PTCHD4: variants seen among roughly 807,000 people sequenced by gnomAD.
PTCHD4 encodes the protein patched domain-containing protein 4.
In PTCHD4, 33 loss-of-function variants were observed where a neutral mutation model predicts 58.1. The observed-to-expected ratio is 0.57, with a 90% confidence interval of 0.43 to 0.76. The LOEUF (loss-of-function observed/expected upper bound fraction) is 0.76. Ranked by LOEUF, PTCHD4 falls within the 30% of genes least tolerant of loss-of-function variation. PTCHD4 has a pLI of 0.00. For missense variants in PTCHD4, 1,058 were observed against 1,027.1 expected (o/e 1.03, Z -0.41); for synonymous variants, 478 against 409.6 (o/e 1.17, Z -2.02).
In PTCHD4 at chr6:47,863,713, C is replaced by G. The variant is rs180905845; in HGVS notation, c.*14590G>C. 3.0e-3 allele frequency among the ~76,000 whole-genome samples: 463 copies of G among 152,046 alleles called. 3 individuals are homozygous for G. The highest frequency in any genetic ancestry group is 0.011 in the African/African-American group (440 of 41,518). On this transcript the variant is annotated 3_prime_UTR_variant, in exon 5 of 5. Transcript: ENST00000339488. ...CTAGTATACAGTGGTTCTAGTTAAACCAGTCTATAACAGGACTTCTCTGAA... is the reference window on the plus strand; with the variant it reads ...CTAGTATACAGTGGTTCTAGTTAAAGCAGTCTATAACAGGACTTCTCTGAA...
At chr6:48,104,866 T>A (rs1000324776) in intron 1 of PTCHD4, among the ~76,000 whole-genome samples, 1 of 152,162 alleles carries the variant, frequency 6.6e-6, no homozygotes, top group African/African-American at 2.4e-5. Context: ...GGCCATTACA[T>A]AATGGTAAAG....
At chr6:48,076,081 T>TAAG (rs1423803537) in intron 1 of PTCHD4, among the ~76,000 whole-genome samples, 1 of 152,242 alleles carries the variant, frequency 6.6e-6, no homozygotes, top group African/African-American at 2.4e-5. Flanking sequence ...TGTAATGTTC[T>TAAG]AAGTATTTTG....
intron 3 of PTCHD4, among the ~76,000 whole-genome samples, chr6:48,034,522 G>A (rs1055865135): frequency 1.2e-4 from 19 of 152,008 alleles, no homozygotes; most frequent in African/African-American, 4.6e-4. Flanking sequence ...GGGACCATTT[G>A]GTTAATATCT....
chr6:47,874,312 A>G lies in PTCHD4; in HGVS notation c.*3991T>C, dbSNP rs1384450029. Among the ~76,000 whole-genome samples the G allele has an allele frequency of 6.6e-6, 1 of 151,768 alleles. No homozygotes were observed. Among genetic ancestry groups the G allele is most frequent in the African/African-American group, 2.4e-5 (1 of 41,394 alleles). ...CCCTTAAGACCAAAAGCCATGAGGC[A>G]TTTATGAATAGGTGATGTAAGAAAT... On this transcript the variant is annotated 3_prime_UTR_variant, in exon 5 of 5. Coordinates refer to ENST00000339488, the MANE Select transcript of PTCHD4 (RefSeq NM_001384253.1).
intron 1 of PTCHD4, among the ~76,000 whole-genome samples, chr6:48,079,824 C>A (rs1765129067): frequency 6.6e-6 from 1 of 151,812 alleles, no homozygotes; most frequent in Admixed American, 6.6e-5. Context: ...CTCCTAGGAG[C>A]TGAAACTGTG....
intron 1 of PTCHD4, among the ~76,000 whole-genome samples, chr6:48,088,459 AGAC>A (rs1454130393): frequency 6.6e-6 from 1 of 152,158 alleles, no homozygotes; most frequent in African/African-American, 2.4e-5. Flanking sequence ...ATAGTGTTAA[AGAC>A]GACTATGGAA....
chr6:47,900,272 A>G (rs1163425685), intron 4 of PTCHD4: 1 of 152,182 alleles, frequency 6.6e-6, no homozygotes, highest in Non-Finnish European at 1.5e-5. Context: ...TTCCTAACCT[A>G]CCTCATCAAT....
chr6:48,084,370 G>A (rs1436963250), intron 1 of PTCHD4, among the ~76,000 whole-genome samples: 2 of 152,152 alleles, frequency 1.3e-5, no homozygotes, highest in African/African-American at 4.8e-5. Context: ...AATGGATTTT[G>A]AAATATGAAA....
At chr6:48,106,466 C>T (rs1765726399) in intron 1 of PTCHD4, among the ~76,000 whole-genome samples, 1 of 152,120 alleles carries the variant, frequency 6.6e-6, no homozygotes, top group Non-Finnish European at 1.5e-5. Flanking sequence ...ATAATAAGAG[C>T]TATCTATGAC....
chr6:47,888,443 A>G lies in PTCHD4; in HGVS notation c.899-8507T>C, dbSNP rs189594369. 4.1e-4 allele frequency among the ~76,000 whole-genome samples: 63 copies of G among 152,328 alleles called. 1 individual carries two copies. In the East Asian group the frequency reaches 8.7e-3, roughly 21 times the overall value. On this transcript the variant is annotated intron_variant, in intron 4 of 4. Coordinates refer to ENST00000339488, the MANE Select transcript of PTCHD4 (RefSeq NM_001384253.1). Reference sequence around the variant, plus strand: ...GAGCATGAACAGACACTCAGTCCTTAGCACTCAGGAGGTTACAGGATTTTA... The same window carrying G: ...GAGCATGAACAGACACTCAGTCCTTGGCACTCAGGAGGTTACAGGATTTTA...
At chr6:47,944,177 C>T (rs1239595996) in intron 4 of PTCHD4, among the ~76,000 whole-genome samples, 3 of 152,020 alleles carry the variant, frequency 2.0e-5, no homozygotes, top group African/African-American at 7.2e-5. Context: ...AGTGCTGCAG[C>T]TGGAGCAAAC....
intron 3 of PTCHD4, among the ~76,000 whole-genome samples, chr6:48,038,181 C>A (rs191913969): frequency 6.6e-6 from 1 of 151,466 alleles, no homozygotes; most frequent in East Asian, 1.9e-4. Context: ...TCGAATGATG[C>A]CTTTAAATTA....
rs149061495 is a variant in PTCHD4 at position 47,867,438 on chromosome 6, C to T, written c.*10865G>A. ...AGACTGTGTATTTACATTTTGTAAA[C>T]CATTCACTGCATTTAAGCCCAAGGA... On this transcript the variant is annotated 3_prime_UTR_variant, in exon 5 of 5. Transcript: ENST00000339488. Among the ~76,000 whole-genome samples the T allele has an allele frequency of 5.3e-3, 802 of 151,802 alleles. 6 individuals are homozygous for T. The highest frequency in any genetic ancestry group is 0.018 in the African/African-American group (757 of 41,452).
chr6:48,017,738 C>T (rs1409775333), intron 3 of PTCHD4, among the ~76,000 whole-genome samples: 1 of 152,210 alleles, frequency 6.6e-6, no homozygotes, highest in Admixed American at 6.5e-5. Flanking sequence ...TGTTATACTG[C>T]TACTAAGTGG....
intron 4 of PTCHD4, among the ~76,000 whole-genome samples, chr6:47,968,355 C>T (rs1767375905): frequency 1.3e-5 from 2 of 152,046 alleles, no homozygotes; most frequent in South Asian, 4.1e-4. Context: ...TCACAAATCA[C>T]CACAACAGAT....
At chr6:47,881,671 A>G (rs1428114488) in intron 4 of PTCHD4, among the ~76,000 whole-genome samples, 1 of 152,158 alleles carries the variant, frequency 6.6e-6, no homozygotes, top group Non-Finnish European at 1.5e-5. Flanking sequence ...CTTGCTTCAT[A>G]GTTAATTTGA....
Position 48,008,912 on chromosome 6 carries a change from T to G in PTCHD4, c.620A>C (p.Gln207Pro). ...KLIRKLQEEH[Q>P]ELQLYSLASF... ...TGCTAAAGAGTAGAGCTGGAGTTCT[T>G]GATGCTCCTCCTGGAGCTTCCTTAT... is the stretch of plus-strand genomic sequence containing the variant. The change falls in exon 4 of 5, where the codon CAA becomes CCA. Residue 207 changes from glutamine to proline, a missense_variant. Gln to Pro is a moderately conservative substitution (Grantham distance 76). Transcript: ENST00000339488. The G allele has an allele frequency of 6.2e-7, 1 of 1,614,028 alleles. No homozygotes were observed. The highest frequency in any genetic ancestry group is 1.1e-5 in the South Asian group (1 of 91,082).
At chr6:48,035,070 C>CT (rs1274366742) in intron 3 of PTCHD4, among the ~76,000 whole-genome samples, 1 of 152,058 alleles carries the variant, frequency 6.6e-6, no homozygotes, top group Non-Finnish European at 1.5e-5. Flanking sequence ...ATGCAAAATG[C>CT]TTTTTCTTTA....
chr6:48,023,219 T>A (rs930951738), intron 3 of PTCHD4, among the ~76,000 whole-genome samples: 4 of 152,212 alleles, frequency 2.6e-5, no homozygotes, highest in African/African-American at 9.6e-5. Context: ...TAATAATGTT[T>A]GCAAGTTAAA....
Sources: gnomAD v4.1 joint callset for allele counts (sites outside exome capture counted in the v4.1 genomes callset) on GRCh38, gnomAD v4.1.1 for gene constraint, MANE v1.5 for transcripts, NCBI Gene and HGNC (gene_info 2026-07-23, HGNC 2026-07-21) for gene names.